PAAF1: variants seen among roughly 807,000 people sequenced by gnomAD.
The protein encoded by PAAF1 is proteasomal ATPase-associated factor 1.
PAAF1 carries 46 observed loss-of-function variants against 52.8 expected under a neutral mutation model. The observed-to-expected ratio is 0.87, with a 90% CI of 0.69 to 1.11. PAAF1 has a LOEUF of 1.11. Ranked by LOEUF, PAAF1 falls within the 50% of genes most tolerant of loss-of-function variation. The probability of loss-of-function intolerance (pLI) is 0.00; values close to 1 mark genes in which losing one functional copy is unlikely to be tolerated. For missense variants in PAAF1, 424 were observed against 477.4 expected (o/e 0.89, Z 1.04); for synonymous variants, 178 against 172.8 (o/e 1.03, Z -0.24).
intron 3 of PAAF1, among the ~76,000 whole-genome samples, chr11:73,890,316 A>G (rs1442741527): frequency 1.3e-5 from 2 of 152,190 alleles, no homozygotes; most frequent in Non-Finnish European, 2.9e-5. Context: ...ATTCTTACCT[A>G]AAATGGTTAC....
intron 2 of PAAF1, among the ~76,000 whole-genome samples, chr11:73,884,073 C>T (rs1948992083): frequency 6.6e-6 from 1 of 152,180 alleles, no homozygotes; most frequent in South Asian, 2.1e-4. Context: ...ACAGTCGGCA[C>T]AGTTGTGTTC....
rs1451035734 is a variant in PAAF1, at chr11:73,909,591, C to T, written c.725C>T (p.Pro242Leu). The T allele has an allele frequency of 6.2e-7, 1 of 1,613,628 alleles. No homozygotes were observed. The highest frequency in any genetic ancestry group is 1.7e-5 in the Admixed American group (1 of 59,978). ...AACCTTGGCTCCCCTGAGCAGATGCCCAGTAAGTTGATAATGATATGTAGC... is the reference window on the plus strand; with the variant it reads ...AACCTTGGCTCCCCTGAGCAGATGCTCAGTAAGTTGATAATGATATGTAGC... ...SINLGSPEQMPSEREVGTEAK... is the reference protein window; with the variant it reads ...SINLGSPEQMLSEREVGTEAK... The change falls in exon 7 of 12, where the codon CCC (proline) becomes CTC (leucine). Residue 242 changes from proline to leucine, a missense_variant and splice_region_variant. By Grantham distance (98) the Pro-to-Leu change is moderately conservative. Transcript: ENST00000310571.
At chr11:73,897,388 C>T (rs1176386060) in intron 4 of PAAF1, among the ~76,000 whole-genome samples, 9 of 150,272 alleles carry the variant, frequency 6.0e-5, no homozygotes, top group African/African-American at 9.8e-5. Flanking sequence ...ACTTCTCAGA[C>T]GGGGTGGCTG....
intron 6 of PAAF1, among the ~76,000 whole-genome samples, chr11:73,901,990 A>G (rs375981692): frequency 3.3e-5 from 5 of 151,318 alleles, no homozygotes; most frequent in African/African-American, 1.2e-4. Context: ...CAGCTTCTCA[A>G]GTAGCTGGGA....
At chr11:73,920,651 G>A (rs929232886) in intron 10 of PAAF1, among the ~76,000 whole-genome samples, 1 of 150,046 alleles carries the variant, frequency 6.7e-6, no homozygotes, top group Non-Finnish European at 1.5e-5. Flanking sequence ...TCAGGAATTT[G>A]AGACTACCCT....
intron 6 of PAAF1, among the ~76,000 whole-genome samples, chr11:73,907,682 G>C (rs1055358821): frequency 2.0e-5 from 3 of 152,176 alleles, no homozygotes; most frequent in African/African-American, 7.2e-5. Flanking sequence ...GAGTGCTGCT[G>C]CCGGCTTCCA....
chr11:73,882,311 C>CTT lies in PAAF1; in HGVS notation c.88+3509_88+3510dup, dbSNP rs34242715. ...ACAGGCGTGAGGCACCGTGCCTGCA[C>CTT]TTTTTTTTTTTTTTTTTTGAAGGTA... is the stretch of plus-strand genomic sequence containing the variant. On this transcript the variant is annotated intron_variant, in intron 2 of 11. Coordinates refer to ENST00000310571, the MANE Select transcript of PAAF1 (RefSeq NM_025155.3). 1.4e-3 allele frequency among the ~76,000 whole-genome samples: 172 copies of CTT among 119,524 alleles called. 1 individual carries two copies. Among genetic ancestry groups the CTT allele is most frequent in the South Asian group, 8.4e-3 (32 of 3,792 alleles). The allele number at this position is 119,524 out of a possible 152,430, so 78.4% of individuals were successfully genotyped here. A position where few individuals can be genotyped will look rare whatever the true frequency, so the allele number is the denominator to read the frequency against.
chr11:73,899,627 G>GT (rs1949540740), intron 5 of PAAF1, among the ~76,000 whole-genome samples: 1 of 152,064 alleles, frequency 6.6e-6, no homozygotes, highest in Non-Finnish European at 1.5e-5. Context: ...GGCCAGGCTG[G>GT]TTTCCAACTC....
intron 6 of PAAF1, among the ~76,000 whole-genome samples, chr11:73,904,100 T>C (rs1949696733): frequency 6.6e-6 from 1 of 151,494 alleles, no homozygotes; most frequent in Non-Finnish European, 1.5e-5. Context: ...AAAAAAAGTA[T>C]ATATATATAC....
chr11:73,913,501 A>T (rs900205238), intron 7 of PAAF1, among the ~76,000 whole-genome samples: 10 of 152,112 alleles, frequency 6.6e-5, no homozygotes, highest in African/African-American at 2.4e-4. Flanking sequence ...CTAGCCTTCC[A>T]CCATCTATTC....
intron 2 of PAAF1, among the ~76,000 whole-genome samples, chr11:73,881,462 A>G (rs561446842): frequency 8.5e-5 from 13 of 152,096 alleles, no homozygotes; most frequent in African/African-American, 2.9e-4. Context: ...TAATTTTTGT[A>G]TTTTTAGTAG....
intron 6 of PAAF1, among the ~76,000 whole-genome samples, chr11:73,900,683 C>T (rs1243086400): frequency 1.3e-5 from 2 of 151,952 alleles, no homozygotes; most frequent in African/African-American, 2.4e-5. Context: ...GTAATCCCAG[C>T]TTTAAAAGTT....
upstream of PAAF1, chr11:73,876,936 GC>G: frequency 7.4e-7 from 1 of 1,345,788 alleles, no homozygotes; most frequent in Non-Finnish European, 9.8e-7. Context: ...TTGGTGTTGA[GC>G]CCACCTCTGT....
intron 7 of PAAF1, among the ~76,000 whole-genome samples, chr11:73,909,983 G>A (rs1949884036): frequency 6.6e-6 from 1 of 152,212 alleles, no homozygotes; most frequent in Non-Finnish European, 1.5e-5. Flanking sequence ...TTATGAATTT[G>A]TGTTGGGCCT....
intron 11 of PAAF1, 87 bp downstream of exon 11, chr11:73,924,784 C>A: frequency 1.9e-6 from 2 of 1,045,682 alleles, no homozygotes; most frequent in South Asian, 1.3e-5. Flanking sequence ...ACCTTGTGGT[C>A]ATTAGGGATG....
At chr11:73,925,757 G>A (rs1236056885) in intron 11 of PAAF1, among the ~76,000 whole-genome samples, 2 of 151,978 alleles carry the variant, frequency 1.3e-5, no homozygotes, top group Admixed American at 6.6e-5. Flanking sequence ...TGAGGTGTAG[G>A]TATTACTATT....
intron 4 of PAAF1, among the ~76,000 whole-genome samples, chr11:73,898,511 C>A (rs938493677): frequency 6.6e-6 from 1 of 152,060 alleles, no homozygotes; most frequent in Non-Finnish European, 1.5e-5. Flanking sequence ...AGCCACTGCA[C>A]CTGGTCTTAA....
chr11:73,892,292 C>T (rs894562822), intron 4 of PAAF1, among the ~76,000 whole-genome samples: 1 of 144,032 alleles, frequency 6.9e-6, no homozygotes, highest in African/African-American at 2.6e-5. Flanking sequence ...CACTGCACTC[C>T]AGCCTGGGCA....
chr11:73,917,580 A>G (rs973995316), intron 9 of PAAF1, among the ~76,000 whole-genome samples: 1 of 152,220 alleles, frequency 6.6e-6, no homozygotes, highest in African/African-American at 2.4e-5. Context: ...AATAAAAGGT[A>G]CAGGCTCTGG....
Sources: allele counts gnomAD v4.1 joint callset (sites outside exome capture counted in the v4.1 genomes callset), GRCh38; gene constraint gnomAD v4.1.1; transcripts MANE v1.5; gene names NCBI Gene and HGNC (gene_info 2026-07-23, HGNC 2026-07-21).